CSMD2: variants seen among roughly 807,000 people sequenced by gnomAD.
The protein encoded by CSMD2 is CUB and Sushi multiple domains 2.
A neutral mutation model predicts 398.5 loss-of-function variants in CSMD2; 130 were observed. That is an observed-to-expected ratio of 0.33 (90% confidence interval 0.28 to 0.38). The LOEUF is 0.38. Ranked by LOEUF, CSMD2 falls within the 10% of genes least tolerant of loss-of-function variation. The pLI, the probability that CSMD2 is intolerant of heterozygous loss-of-function variation, is 1.00. For synonymous variants in CSMD2, 1,828 were observed against 1,908.5 expected, an observed-to-expected ratio of 0.96 and a Z score of 1.10; for missense variants, 3,829 against 4,764.9, an observed-to-expected ratio of 0.80 and a Z score of 5.78.
In CSMD2 at chr1:33,827,511, C is replaced by A. The variant is rs549141141; in HGVS notation, c.1034-1737G>T. Reference sequence around the variant, plus strand: ...TTTCTTCACTGAGGCCTTCCCTGACCACTCCATTAAAATGACACCTGCAAC... The same window carrying A: ...TTTCTTCACTGAGGCCTTCCCTGACAACTCCATTAAAATGACACCTGCAAC... On this transcript the variant is annotated intron_variant, in intron 6 of 70. Transcript: ENST00000373381. Among the ~76,000 whole-genome samples the A allele has an allele frequency of 5.9e-5, 9 of 152,272 alleles. No homozygotes were observed. In the East Asian group the frequency reaches 1.7e-3, roughly 29 times the overall value.
chr1:33,715,211 G>A (rs1646128130), intron 20 of CSMD2, among the ~76,000 whole-genome samples: 1 of 152,068 alleles, frequency 6.6e-6, no homozygotes, highest in Admixed American at 6.5e-5. Context: ...CCTTGTCTCT[G>A]GGCAACAAAC....
At chr1:33,812,295 G>A (rs981344368) in intron 9 of CSMD2, among the ~76,000 whole-genome samples, 1 of 152,196 alleles carries the variant, frequency 6.6e-6, no homozygotes, top group Admixed American at 6.5e-5. Context: ...TTATTTGCAA[G>A]GGGCTTTTGG....
chr1:33,934,883 G>C (rs542259832), intron 4 of CSMD2, among the ~76,000 whole-genome samples: 1 of 150,474 alleles, frequency 6.6e-6, no homozygotes, highest in Non-Finnish European at 1.5e-5. Flanking sequence ...ACATGCCTGC[G>C]GTCCCTGCAA....
intron 5 of CSMD2, among the ~76,000 whole-genome samples, chr1:33,848,848 T>C (rs1638489487): frequency 6.8e-6 from 1 of 147,202 alleles, no homozygotes; most frequent in Non-Finnish European, 1.5e-5. Context: ...TTCAATTCTA[T>C]CTCAATGACA....
At chr1:33,752,743 A>G (rs1648434558) in intron 13 of CSMD2, among the ~76,000 whole-genome samples, 1 of 152,200 alleles carries the variant, frequency 6.6e-6, no homozygotes, top group Non-Finnish European at 1.5e-5. Context: ...GAGACTGTTT[A>G]AAAGGTTGTC....
At chr1:33,750,632 A>G (rs1648093819) in intron 13 of CSMD2, among the ~76,000 whole-genome samples, 1 of 152,218 alleles carries the variant, frequency 6.6e-6, no homozygotes, top group Non-Finnish European at 1.5e-5. Context: ...TACTATATTG[A>G]CTTCAAAAGA....
At chr1:34,033,499 A>G (rs547630322) in intron 2 of CSMD2, among the ~76,000 whole-genome samples, 2 of 152,360 alleles carry the variant, frequency 1.3e-5, no homozygotes, top group Admixed American at 1.3e-4. Context: ...ACCACTGAAC[A>G]CTTGGGAATA....
chr1:34,159,329 C>CA lies in CSMD2; in HGVS notation c.187+5581_187+5582insT, dbSNP rs762219586. Among the ~76,000 whole-genome samples, 322 of 54,896 alleles carry CA rather than the reference C, an allele frequency of 5.9e-3. 5 individuals are homozygous for CA. The highest frequency in any genetic ancestry group is 0.028 in the African/African-American group (311 of 11,066). The allele number at this position is 54,896 out of a possible 152,430, so 36.0% of individuals were successfully genotyped here. On this transcript the variant is annotated intron_variant, in intron 1 of 70. Transcript: ENST00000373381. ...AAACCAAGAATGACTTTACAGCCTGCCCCCCCCCCACCCAGGAGCTTGTGG... is the reference window on the plus strand; with the variant it reads ...AAACCAAGAATGACTTTACAGCCTGCACCCCCCCCCACCCAGGAGCTTGTGG...
At chr1:33,705,029 T>C (rs1465146508) in intron 22 of CSMD2, among the ~76,000 whole-genome samples, 2 of 152,000 alleles carry the variant, frequency 1.3e-5, no homozygotes, top group Admixed American at 1.3e-4. Context: ...TTCAATCAGA[T>C]TTATACTCAA....
At chr1:33,825,645 G>A (rs978181211) in intron 7 of CSMD2, 52 bp downstream of exon 7, 46 of 1,510,922 alleles carry the variant, frequency 3.0e-5, no homozygotes, top group Middle Eastern at 3.4e-4. Context: ...GTGCCTGCAC[G>A]TGTGACCTCA....
intron 2 of CSMD2, among the ~76,000 whole-genome samples, chr1:34,044,263 G>A (rs544300443): frequency 6.6e-6 from 1 of 152,072 alleles, no homozygotes; most frequent in Non-Finnish European, 1.5e-5. Context: ...AAACAGAATT[G>A]GGAAATGCTG....
chr1:34,143,294 G>A (rs372117276), intron 1 of CSMD2, among the ~76,000 whole-genome samples: 12 of 152,174 alleles, frequency 7.9e-5, no homozygotes, highest in African/African-American at 2.6e-4. Flanking sequence ...AACAATAATA[G>A]CTTTACCAGG....
At chr1:33,852,108 C>T (rs917156390) in intron 5 of CSMD2, among the ~76,000 whole-genome samples, 3 of 150,602 alleles carry the variant, frequency 2.0e-5, no homozygotes, top group Non-Finnish European at 4.4e-5. Flanking sequence ...TCCCCCTAAT[C>T]TACACCATCC....
At chr1:33,641,230 T>C (rs891467868) in intron 29 of CSMD2, among the ~76,000 whole-genome samples, 2 of 152,174 alleles carry the variant, frequency 1.3e-5, no homozygotes, top group African/African-American at 4.8e-5. Flanking sequence ...TAAGTTACAT[T>C]AGGGTAGGGA....
chr1:33,573,832 C>A (rs10798968), intron 49 of CSMD2, among the ~76,000 whole-genome samples: 32,612 of 151,942 alleles, frequency 0.21, 3,708 homozygotes, highest in Non-Finnish European at 0.25. Flanking sequence ...AAAGAGAATC[C>A]CTCTTAGATT....
intron 5 of CSMD2, among the ~76,000 whole-genome samples, chr1:33,874,718 C>T (rs1023806420): frequency 1.2e-4 from 19 of 152,234 alleles, no homozygotes; most frequent in African/African-American, 4.1e-4. Flanking sequence ...TCCAGCTCTT[C>T]GCCCACAGCT....
At chr1:33,520,668 G>A (rs1380203521) in intron 68 of CSMD2, among the ~76,000 whole-genome samples, 2 of 152,246 alleles carry the variant, frequency 1.3e-5, no homozygotes, top group Non-Finnish European at 2.9e-5. Context: ...GAGCAGTGTG[G>A]GTGGGAAAGG....
chr1:34,109,375 G>A (rs910918262), intron 1 of CSMD2, among the ~76,000 whole-genome samples: 1 of 152,184 alleles, frequency 6.6e-6, no homozygotes, highest in Admixed American at 6.5e-5. Flanking sequence ...GCAAATTAGT[G>A]ATGGGGTCAG....
At position 33,763,706 on chromosome 1, in the gene CSMD2, C is replaced by T. The variant is rs187900337; in HGVS notation, c.1846+8863G>A. 3.9e-5 allele frequency among the ~76,000 whole-genome samples: 6 copies of T among 152,318 alleles called. No homozygotes were observed. In the East Asian group the frequency reaches 5.8e-4, roughly 15 times the overall value. On this transcript the variant is annotated intron_variant, in intron 13 of 70. Coordinates refer to ENST00000373381, the MANE Select transcript of CSMD2 (RefSeq NM_001281956.2). Reference sequence around the variant, plus strand: ...AGGTACACTGAAGAGCTGGATCCCACGGGCTTGGTTCTTACAGCCAGATTC... The same window carrying T: ...AGGTACACTGAAGAGCTGGATCCCATGGGCTTGGTTCTTACAGCCAGATTC...
Sources: allele counts gnomAD v4.1 joint callset (sites outside exome capture counted in the v4.1 genomes callset), GRCh38; gene constraint gnomAD v4.1.1; transcripts MANE v1.5; gene names NCBI Gene and HGNC (gene_info 2026-07-23, HGNC 2026-07-21).